Variants in RAB38 observed in about 807,000 individuals in gnomAD.
RAB38 encodes ras-related protein Rab-38.
Under a neutral mutation model 18.4 loss-of-function variants are expected in RAB38, and 15 were observed. The observed-to-expected ratio is 0.82, with a 90% confidence interval of 0.55 to 1.26. The LOEUF is 1.26. Among genes scored for constraint, RAB38 ranks in the 50% most tolerant of loss-of-function variants. The pLI is 0.00. For synonymous variants in RAB38, 101 were observed against 104.4 expected (o/e 0.97, Z 0.20); for missense variants, 294 against 267.4 (o/e 1.10, Z -0.69).
chr11:88,164,517 C>A (rs984228191), intron 1 of RAB38, among the ~76,000 whole-genome samples: 1 of 151,994 alleles, frequency 6.6e-6, no homozygotes, highest in Non-Finnish European at 1.5e-5. Flanking sequence ...TAGTGGCATC[C>A]ACTCCGGCTC....
chr11:87,904,390 C>A, the RAB38 span, among the ~76,000 whole-genome samples: 1 of 151,874 alleles, frequency 6.6e-6, no homozygotes, highest in Non-Finnish European at 1.5e-5. Context: ...TGGCCTCCAG[C>A]TGCATCCATG....
the RAB38 span, among the ~76,000 whole-genome samples, chr11:87,948,089 TCTC>T: frequency 6.6e-6 from 1 of 152,172 alleles, no homozygotes; most frequent in Admixed American, 6.5e-5. Flanking sequence ...GGTTTGTAGT[TCTC>T]CTTGAAGAGG....
At chr11:87,821,850 T>TAA in the RAB38 span, among the ~76,000 whole-genome samples, 511 of 130,790 alleles carry the variant, frequency 3.9e-3, 3 homozygotes, top group African/African-American at 0.013. Context: ...CACTCCGTCT[T>TAA]AAAAAAAAAA....
At chr11:87,821,755 G>A in the RAB38 span, among the ~76,000 whole-genome samples, 2,009 of 151,768 alleles carry the variant, frequency 0.013, 35 homozygotes, top group Non-Finnish European at 0.021. Context: ...GGAGACTAAG[G>A]CAGGAGAATC....
At chr11:88,068,317 T>A in the RAB38 span, among the ~76,000 whole-genome samples, 9 of 152,154 alleles carry the variant, frequency 5.9e-5, no homozygotes, top group African/African-American at 1.9e-4. Context: ...AGTTTTTTGT[T>A]AACCACTTTC....
chr11:88,156,708 A>G lies in RAB38; in HGVS notation c.203-6753T>C, dbSNP rs559930946. On this transcript the variant is annotated intron_variant, in intron 1 of 2. Transcript: ENST00000243662. ...CAGAGCAAGACTTTGTCTCAAGAAAAAAAAAGAAAATTCATATCCCACCAA... is the reference window on the plus strand; with the variant it reads ...CAGAGCAAGACTTTGTCTCAAGAAAGAAAAAGAAAATTCATATCCCACCAA... Among the ~76,000 whole-genome samples, 441 of 152,302 alleles carry G rather than the reference A, an allele frequency of 2.9e-3. 2 individuals carry two copies. Among genetic ancestry groups the G allele is most frequent in the African/African-American group, 9.6e-3 (397 of 41,562 alleles).
At chr11:88,138,391 T>C (rs961415551) in intron 2 of RAB38, among the ~76,000 whole-genome samples, 1 of 151,348 alleles carries the variant, frequency 6.6e-6, no homozygotes, top group Non-Finnish European at 1.5e-5. Context: ...AGAATTTTAC[T>C]GAAAAGATGG....
the RAB38 span, among the ~76,000 whole-genome samples, chr11:87,954,460 CAGAAAGAT>C: frequency 6.6e-6 from 1 of 152,026 alleles, no homozygotes; most frequent in Non-Finnish European, 1.5e-5. Flanking sequence ...TGTGTTGTCA[CAGAAAGAT>C]AGAAAAAGAA....
At chr11:87,977,967 T>C in the RAB38 span, among the ~76,000 whole-genome samples, 1 of 112,930 alleles carries the variant, frequency 8.9e-6, no homozygotes, top group South Asian at 2.7e-4. Flanking sequence ...ATAAATAAGA[T>C]ATATTATATA....
the RAB38 span, chr11:88,098,001 C>T: frequency 6.6e-6 from 1 of 151,904 alleles, no homozygotes; most frequent in African/African-American, 2.4e-5. Flanking sequence ...CATTACCTGT[C>T]CTTGTGATTT....
At chr11:87,866,258 T>A in the RAB38 span, among the ~76,000 whole-genome samples, 1 of 151,620 alleles carries the variant, frequency 6.6e-6, no homozygotes, top group Non-Finnish European at 1.5e-5. Flanking sequence ...AGGACAGAGA[T>A]AAGCAGCAAA....
At chr11:87,878,651 AT>A in the RAB38 span, among the ~76,000 whole-genome samples, 42 of 151,738 alleles carry the variant, frequency 2.8e-4, no homozygotes, top group South Asian at 1.9e-3. Context: ...TAAAAATTGC[AT>A]TTCCCCTCCC....
the RAB38 span, among the ~76,000 whole-genome samples, chr11:87,946,803 A>G: frequency 5.2e-4 from 79 of 152,230 alleles, no homozygotes; most frequent in African/African-American, 1.7e-3. Context: ...TTGGACATTT[A>G]GGTTGGTTCC....
the RAB38 span, among the ~76,000 whole-genome samples, chr11:88,017,979 C>T: frequency 6.6e-6 from 1 of 151,838 alleles, no homozygotes; most frequent in African/African-American, 2.4e-5. Flanking sequence ...GGGGAGTTTC[C>T]CTGCACAAGC....
chr11:87,941,212 G>GATATATAT, the RAB38 span, among the ~76,000 whole-genome samples: 386 of 37,724 alleles, frequency 0.01, 43 homozygotes, highest in East Asian at 0.052. Flanking sequence ...ATAAATATAT[G>GATATATAT]AGATATATAT....
chr11:87,965,506 A>T, the RAB38 span, among the ~76,000 whole-genome samples: 1 of 152,238 alleles, frequency 6.6e-6, no homozygotes, highest in Non-Finnish European at 1.5e-5. Context: ...TTCCCTCAAG[A>T]GAAAACTGCT....
the RAB38 span, among the ~76,000 whole-genome samples, chr11:87,967,281 G>A: frequency 6.6e-6 from 1 of 152,098 alleles, no homozygotes; most frequent in Non-Finnish European, 1.5e-5. Context: ...AATAACCCAT[G>A]AATTGACTAT....
At chr11:88,138,332 T>C (rs897428731) in intron 2 of RAB38, among the ~76,000 whole-genome samples, 1 of 152,228 alleles carries the variant, frequency 6.6e-6, no homozygotes, top group Non-Finnish European at 1.5e-5. Context: ...TTTTCATACC[T>C]AATGATATAA....
intron 1 of RAB38, among the ~76,000 whole-genome samples, chr11:88,168,017 G>T (rs559363865): frequency 6.6e-6 from 1 of 152,202 alleles, no homozygotes; most frequent in Non-Finnish European, 1.5e-5. Context: ...AGAAAGGATT[G>T]TAAGTGTAAC....
Sources: allele counts gnomAD v4.1 joint callset (sites outside exome capture counted in the v4.1 genomes callset), GRCh38; gene constraint gnomAD v4.1.1; transcripts MANE v1.5; gene names NCBI Gene and HGNC (gene_info 2026-07-23, HGNC 2026-07-21).